The following ARID4B variants were observed in gnomAD, a reference collection of about 807,000 sequenced individuals.
ARID4B encodes the protein AT-rich interaction domain 4B.
Under a neutral mutation model 147.5 loss-of-function variants are expected in ARID4B, and 26 were observed. The observed-to-expected ratio is 0.18, with a 90% confidence interval of 0.13 to 0.24. The LOEUF (loss-of-function observed/expected upper bound fraction) is 0.24. Among genes scored for constraint, ARID4B ranks in the 10% least tolerant of loss-of-function variants. ARID4B has a pLI of 1.00. For missense variants in ARID4B, 1,179 were observed against 1,511.5 expected (o/e 0.78, Z 3.65); for synonymous variants, 512 against 507.9 (o/e 1.01, Z -0.11).
chr1:235,220,820 GC>G (rs1224049397), intron 14 of ARID4B, among the ~76,000 whole-genome samples: 2 of 152,066 alleles, frequency 1.3e-5, no homozygotes, highest in African/African-American at 4.8e-5. Flanking sequence ...TATGTGTGAG[GC>G]TGGACTCCTT....
At chr1:235,294,472 T>C (rs57657187) in intron 2 of ARID4B, among the ~76,000 whole-genome samples, 45 of 30,324 alleles carry the variant, frequency 1.5e-3, no homozygotes, top group African/African-American at 4.7e-3. Flanking sequence ...ACCCAGGGGT[T>C]CAAGCAATTC....
At chr1:235,259,673 T>C (rs550218605) in intron 3 of ARID4B, among the ~76,000 whole-genome samples, 66 of 152,244 alleles carry the variant, frequency 4.3e-4, no homozygotes, top group African/African-American at 1.6e-3. Flanking sequence ...CCCCTACCAG[T>C]TTGTAGTTAA....
At chr1:235,268,629 A>G (rs1298422744) in intron 2 of ARID4B, among the ~76,000 whole-genome samples, 1 of 152,078 alleles carries the variant, frequency 6.6e-6, no homozygotes, top group African/African-American at 2.4e-5. Flanking sequence ...CCCAGGTTCA[A>G]GCAATTCTCC....
intron 4 of ARID4B, among the ~76,000 whole-genome samples, chr1:235,256,209 A>G (rs1401536792): frequency 6.7e-6 from 1 of 148,488 alleles, no homozygotes; most frequent in Non-Finnish European, 1.5e-5. Flanking sequence ...AGTTTTACCG[A>G]TCAATATTTT....
intron 16 of ARID4B, 66 bp from the exon 17 acceptor site, chr1:235,214,092 A>G: frequency 6.0e-6 from 9 of 1,509,110 alleles, no homozygotes; most frequent in Non-Finnish European, 7.9e-6. Flanking sequence ...GTTCCAAACC[A>G]CATATATTGA....
chr1:235,202,270 A>C (rs1341586286), intron 17 of ARID4B, among the ~76,000 whole-genome samples: 1 of 152,002 alleles, frequency 6.6e-6, no homozygotes, highest in African/African-American at 2.4e-5. Context: ...TTAGAAAATT[A>C]AGACAGTGAT....
chr1:235,209,750 G>T (rs1253230534), intron 17 of ARID4B, among the ~76,000 whole-genome samples: 2 of 152,002 alleles, frequency 1.3e-5, no homozygotes, highest in East Asian at 3.9e-4. Context: ...TTTTAGTAGA[G>T]ATGAGGTTTC....
rs1450077512 is a variant in ARID4B, at chr1:235,167,062, T to C, written c.*1463A>G. ...CTGTCAACAAATCTTTACAGTCCTG[T>C]ACAAATTTGAATAACTTGAAACCAT... On this transcript the variant is annotated 3_prime_UTR_variant, in exon 24 of 24. Transcript: ENST00000264183. The C allele has an allele frequency of 5.4e-6, 1 of 184,614 alleles. No homozygotes were observed. The highest frequency in any genetic ancestry group is 2.3e-5 in the African/African-American group (1 of 42,596). The allele number at this position is 184,614 out of a possible 1,614,324, so 11.4% of individuals were successfully genotyped here.
chr1:235,189,401 A>C (rs1664927134), intron 19 of ARID4B, among the ~76,000 whole-genome samples: 1 of 21,954 alleles, frequency 4.6e-5, no homozygotes, highest in African/African-American at 9.0e-5. Flanking sequence ...CTCAGTCTCA[A>C]AAAAAAAAAA....
chr1:235,170,965 G>A (rs886756240), intron 23 of ARID4B, among the ~76,000 whole-genome samples: 4 of 148,606 alleles, frequency 2.7e-5, no homozygotes, highest in Non-Finnish European at 5.9e-5. Context: ...GCATAGTTCA[G>A]TGTCTGACTT....
At chr1:235,294,342 T>C (rs1190691169) in intron 2 of ARID4B, among the ~76,000 whole-genome samples, 1 of 131,516 alleles carries the variant, frequency 7.6e-6, no homozygotes, top group Non-Finnish European at 1.6e-5. Flanking sequence ...AGACAGAGTC[T>C]TACTCTGTCA....
intron 16 of ARID4B, 112 bp downstream of exon 16, chr1:235,219,679 CTA>C: frequency 1.2e-6 from 1 of 828,898 alleles, no homozygotes; most frequent in Non-Finnish European, 1.8e-6. Context: ...GCCAATCACT[CTA>C]TTATTTAATA....
intron 17 of ARID4B, 111 bp downstream of exon 17, chr1:235,213,658 T>C: frequency 2.5e-6 from 3 of 1,200,818 alleles, no homozygotes; most frequent in Non-Finnish European, 3.4e-6. Flanking sequence ...TAAGGTACTA[T>C]GACCTCAATT....
At chr1:235,262,558 TGC>T (rs1670357936) in intron 2 of ARID4B, among the ~76,000 whole-genome samples, 1 of 152,184 alleles carries the variant, frequency 6.6e-6, no homozygotes, top group African/African-American at 2.4e-5. Flanking sequence ...TTTACCTACC[TGC>T]CTTAGGTCTC....
At chr1:235,218,373 G>GA (rs1437442334) in intron 16 of ARID4B, among the ~76,000 whole-genome samples, 1 of 151,898 alleles carries the variant, frequency 6.6e-6, no homozygotes, top group Non-Finnish European at 1.5e-5. Flanking sequence ...AATTAGCAAA[G>GA]AAAAAAATAC....
In ARID4B at chr1:235,225,799, T is replaced by C. The variant is rs1572022853; in HGVS notation, c.898-1024A>G. On this transcript the variant is annotated intron_variant, in intron 11 of 23. Coordinates refer to ENST00000264183, the MANE Select transcript of ARID4B (RefSeq NM_016374.6). Reference sequence around the variant, plus strand: ...GCCTAATGCCACTGCTTTAGCGAGATTGTCTTTTTAATTTAAAAGCTAGTA... The same window carrying C: ...GCCTAATGCCACTGCTTTAGCGAGACTGTCTTTTTAATTTAAAAGCTAGTA... Among the ~76,000 whole-genome samples, 4 of 152,338 alleles carry C rather than the reference T, an allele frequency of 2.6e-5. No individual in the cohort carries two copies. The East Asian group carries it at 7.7e-4, about 29-fold the overall frequency.
At chr1:235,312,028 G>A (rs1019120075) in intron 2 of ARID4B, among the ~76,000 whole-genome samples, 3 of 152,084 alleles carry the variant, frequency 2.0e-5, no homozygotes, top group Non-Finnish European at 2.9e-5. Flanking sequence ...GGTGGCTCAC[G>A]TCTGTAATCC....
At position 235,259,720 on chromosome 1, in the gene ARID4B, T is replaced by C. The variant is rs529689982; in HGVS notation, c.117+922A>G. On this transcript the variant is annotated intron_variant, in intron 3 of 23. Coordinates refer to ENST00000264183, the MANE Select transcript of ARID4B (RefSeq NM_016374.6). ...TATCACAATGGTTCCTAACCAGGAG[T>C]GTAAATTAGAATCACCCAGGTAGCT... Among the ~76,000 whole-genome samples, 29 of 152,158 alleles carry C rather than the reference T, an allele frequency of 1.9e-4. No homozygotes were observed. The South Asian group carries it at 5.8e-3, about 30-fold the overall frequency.
intron 2 of ARID4B, among the ~76,000 whole-genome samples, chr1:235,262,007 A>G (rs1343764050): frequency 6.6e-6 from 1 of 152,230 alleles, no homozygotes; most frequent in Non-Finnish European, 1.5e-5. Flanking sequence ...GAGAAACCCT[A>G]TAATAGAGAA....
Sources: allele counts gnomAD v4.1 joint callset (sites outside exome capture counted in the v4.1 genomes callset), GRCh38; gene constraint gnomAD v4.1.1; transcripts MANE v1.5; gene names NCBI Gene and HGNC (gene_info 2026-07-23, HGNC 2026-07-21).